IMMP2L: variants seen among roughly 807,000 people sequenced by gnomAD.
IMMP2L encodes the protein mitochondrial inner membrane protease subunit 2.
Under a neutral mutation model 19.3 loss-of-function variants are expected in IMMP2L, and 18 were observed. The ratio of observed to expected loss-of-function variants is 0.93; its 90% CI spans 0.64 to 1.38. The LOEUF (loss-of-function observed/expected upper bound fraction) is 1.38, where lower values mean the gene tolerates loss of function less well. Among genes scored for constraint, IMMP2L ranks in the 40% most tolerant of loss-of-function variants. IMMP2L has a pLI of 0.00. For synonymous variants in IMMP2L, 76 were observed against 73.0 expected, an observed-to-expected ratio of 1.04 and a Z score of -0.21; for missense variants, 233 against 218.2, an observed-to-expected ratio of 1.07 and a Z score of -0.43.
chr7:111,312,720 C>G (rs558795393), intron 3 of IMMP2L, among the ~76,000 whole-genome samples: 1 of 152,202 alleles, frequency 6.6e-6, no homozygotes, highest in East Asian at 1.9e-4. Context: ...ACTGAGCTGA[C>G]CCTGCATGGA....
At chr7:110,749,951 T>C (rs1158154090) in intron 5 of IMMP2L, among the ~76,000 whole-genome samples, 1 of 152,044 alleles carries the variant, frequency 6.6e-6, no homozygotes, top group African/African-American at 2.4e-5. Context: ...AGCAAACCTT[T>C]TGCAGCTAAC....
rs1426609612 is a variant in IMMP2L at position 110,758,888 on chromosome 7, T to A, written c.409-95167A>T. 6.6e-6 allele frequency among the ~76,000 whole-genome samples: 1 copy of A among 152,162 alleles called. No individual in the cohort carries two copies. The highest frequency in any genetic ancestry group is 2.1e-4 in the South Asian group (1 of 4,824). On this transcript the variant is annotated intron_variant, in intron 5 of 5. Coordinates refer to ENST00000405709, the MANE Select transcript of IMMP2L (RefSeq NM_032549.4). The surrounding 1 kb of genome is among the most constrained non-coding windows in gnomAD (Gnocchi z 4.6). ...CTGACATTGCTGCTACAGAACTTCA[T>A]GGAGAGAAAAAAATGAAAAGTGCTT... is the stretch of plus-strand genomic sequence containing the variant.
chr7:110,673,871 C>T (rs988320977), intron 5 of IMMP2L, among the ~76,000 whole-genome samples: 7 of 152,192 alleles, frequency 4.6e-5, no homozygotes, highest in African/African-American at 1.7e-4. Context: ...CCCTCCAAGT[C>T]TCTAGGAAGT....
intron 3 of IMMP2L, among the ~76,000 whole-genome samples, chr7:111,304,680 G>A (rs1822658055): frequency 7.0e-6 from 1 of 142,332 alleles, no homozygotes; most frequent in African/African-American, 2.8e-5. Flanking sequence ...ATGTGTGTGT[G>A]TGTGTGTGTG....
Position 110,934,222 on chromosome 7 carries a change from A to G in IMMP2L, c.305+29278T>C, listed in dbSNP as rs111715682. On this transcript the variant is annotated intron_variant, in intron 4 of 5. Transcript: ENST00000405709. ...TGAGAGACTGCTTGTTATGATTTCTATTCTTTTGCATTTGCTGAGGAGTGT... is the reference window on the plus strand; with the variant it reads ...TGAGAGACTGCTTGTTATGATTTCTGTTCTTTTGCATTTGCTGAGGAGTGT... Among the ~76,000 whole-genome samples, 731 of 152,174 alleles carry G rather than the reference A, an allele frequency of 4.8e-3. 7 individuals are homozygous for G. The highest frequency in any genetic ancestry group is 0.016 in the African/African-American group (676 of 41,536).
At chr7:111,552,306 G>A (rs1455014146) in intron 1 of IMMP2L, among the ~76,000 whole-genome samples, 1 of 151,942 alleles carries the variant, frequency 6.6e-6, no homozygotes, top group African/African-American at 2.4e-5. Flanking sequence ...GTTTTGTTTT[G>A]AGACAGAGTC....
chr7:110,882,064 T>C (rs994243800), intron 5 of IMMP2L, among the ~76,000 whole-genome samples: 2 of 151,958 alleles, frequency 1.3e-5, no homozygotes, highest in Non-Finnish European at 1.5e-5. Context: ...TCCTTGAGAG[T>C]GGGGATTAGA....
At chr7:110,818,002 T>C (rs1191199222) in intron 5 of IMMP2L, among the ~76,000 whole-genome samples, 1 of 152,062 alleles carries the variant, frequency 6.6e-6, no homozygotes, top group Non-Finnish European at 1.5e-5. Flanking sequence ...CCTAAAACCA[T>C]AAAAACCCTA....
chr7:111,387,975 T>TAAAAAAAAAAAAAAA (rs750267136), intron 3 of IMMP2L, among the ~76,000 whole-genome samples: 2 of 93,424 alleles, frequency 2.1e-5, no homozygotes, highest in African/African-American at 9.2e-5. Flanking sequence ...ACTCTGTCTT[T>TAAAAAAAAAAAAAAA]AAAAAAAAAA....
chr7:110,684,863 T>G (rs987132563), intron 5 of IMMP2L, among the ~76,000 whole-genome samples: 1 of 152,084 alleles, frequency 6.6e-6, no homozygotes, highest in Non-Finnish European at 1.5e-5. Context: ...TGCCTATGGA[T>G]GAAGTCTTTT....
rs193135253 is a variant in IMMP2L, at chr7:110,724,964, G to A, written c.409-61243C>T. 2.6e-5 allele frequency among the ~76,000 whole-genome samples: 4 copies of A among 152,236 alleles called. No individual in the cohort carries two copies. The East Asian group carries it at 5.8e-4, about 22-fold the overall frequency. ...TTCCAAGTACAATTCATTTAACTAC[G>A]CCATTATACTGGATGACAGGGCTGA... On this transcript the variant is annotated intron_variant, in intron 5 of 5. Transcript: ENST00000405709.
rs1044985083 is a variant in IMMP2L at position 111,556,041 on chromosome 7, C to T, written c.-3+5810G>A. ...ATGTATATATATATATATATACATA[C>T]CCAAAGAAAATGAAACCGCAACCTT... is the stretch of plus-strand genomic sequence containing the variant. On this transcript the variant is annotated intron_variant, in intron 1 of 5. Transcript: ENST00000405709. Among the ~76,000 whole-genome samples, 48 of 25,480 alleles carry T rather than the reference C, an allele frequency of 1.9e-3. 2 individuals carry two copies. In the East Asian group the frequency reaches 0.042, roughly 22 times the overall value. The allele number at this position is 25,480 out of a possible 152,430, so 16.7% of individuals were successfully genotyped here.
chr7:111,548,690 C>G (rs1849169851), intron 1 of IMMP2L, among the ~76,000 whole-genome samples: 1 of 151,982 alleles, frequency 6.6e-6, no homozygotes, highest in Non-Finnish European at 1.5e-5. Context: ...CCATTTTTCT[C>G]TAAGTATTTT....
intron 5 of IMMP2L, among the ~76,000 whole-genome samples, chr7:110,878,639 T>A (rs1046880160): frequency 6.6e-6 from 1 of 152,086 alleles, no homozygotes; most frequent in Admixed American, 6.6e-5. Context: ...ATAGAATGCA[T>A]ATCATGTGAA....
intron 5 of IMMP2L, among the ~76,000 whole-genome samples, chr7:110,691,336 T>G (rs1252556937): frequency 6.6e-6 from 1 of 152,244 alleles, no homozygotes; most frequent in South Asian, 2.1e-4. Context: ...GACTAAAGAC[T>G]TAGTCTAAGA....
intron 5 of IMMP2L, among the ~76,000 whole-genome samples, chr7:110,734,393 A>G (rs1796478011): frequency 6.6e-6 from 1 of 152,250 alleles, no homozygotes; most frequent in African/African-American, 2.4e-5. Context: ...GTTTCATTCA[A>G]GTAAGAACTT....
intron 2 of IMMP2L, among the ~76,000 whole-genome samples, chr7:111,497,130 T>C (rs1843669772): frequency 3.3e-5 from 5 of 152,158 alleles, no homozygotes; most frequent in Admixed American, 3.3e-4. Flanking sequence ...TGTTCTACTA[T>C]AGAACGCCCC....
chr7:110,676,411 T>C (rs1041351617), intron 5 of IMMP2L, among the ~76,000 whole-genome samples: 5 of 152,266 alleles, frequency 3.3e-5, no homozygotes, highest in African/African-American at 4.8e-5. Context: ...AGGGCCATTG[T>C]TCAGCAACCC....
At chr7:111,332,006 C>T (rs1825926874) in intron 3 of IMMP2L, among the ~76,000 whole-genome samples, 1 of 151,588 alleles carries the variant, frequency 6.6e-6, no homozygotes, top group African/African-American at 2.4e-5. Flanking sequence ...ACATCATGTG[C>T]TATATGCTAT....
Sources: allele counts gnomAD v4.1 joint callset (sites outside exome capture counted in the v4.1 genomes callset), GRCh38; gene constraint gnomAD v4.1.1; non-coding constraint Gnocchi (gnomAD v3.1); transcripts MANE v1.5; gene names NCBI Gene and HGNC (gene_info 2026-07-23, HGNC 2026-07-21).